HCN4: variants seen among roughly 807,000 people sequenced by gnomAD.
HCN4 encodes the protein hyperpolarization activated cyclic nucleotide gated potassium channel 4.
HCN4 carries 29 observed loss-of-function variants against 76.9 expected under a neutral mutation model. The ratio of observed to expected loss-of-function variants is 0.38; its 90% confidence interval spans 0.28 to 0.51. The LOEUF (loss-of-function observed/expected upper bound fraction) is 0.51. Among genes scored for constraint, HCN4 ranks in the 20% least tolerant of loss-of-function variants. The probability of loss-of-function intolerance (pLI) is 0.90; values close to 1 mark genes in which losing one functional copy is unlikely to be tolerated. For synonymous variants in HCN4, 772 were observed against 762.5 expected, an observed-to-expected ratio of 1.01 and a Z score of -0.21; for missense variants, 1,416 against 1,715.2, an observed-to-expected ratio of 0.83 and a Z score of 3.08.
In HCN4 at chr15:73,343,037, T is replaced by A. The variant is rs2043013778; in HGVS notation, c.1209+348A>T. 6.6e-6 allele frequency among the ~76,000 whole-genome samples: 1 copy of A among 152,242 alleles called. No individual in the cohort carries two copies. Among genetic ancestry groups the A allele is most frequent in the Non-Finnish European group, 1.5e-5 (1 of 68,050 alleles). Reference sequence around the variant, plus strand: ...TAACGCAGTGGTTAATAATGTGGGCTCTAGAGGTGATCGGCTTAAGTTCAC... The same window carrying A: ...TAACGCAGTGGTTAATAATGTGGGCACTAGAGGTGATCGGCTTAAGTTCAC... On this transcript the variant is annotated intron_variant, in intron 2 of 7. Transcript: ENST00000261917. The surrounding 1 kb of genome is among the most constrained non-coding windows in gnomAD (Gnocchi z 5.7).
At chr15:73,329,881 CCTAA>C in intron 3 of HCN4, 90 bp from the exon 4 acceptor site, 1 of 1,115,274 alleles carries the variant, frequency 9.0e-7, no homozygotes, top group Non-Finnish European at 1.3e-6. Flanking sequence ...CTCACCTCAA[CCTAA>C]CTTTCTCAGT....
chr15:73,335,031 G>A (rs1216508188), intron 2 of HCN4, among the ~76,000 whole-genome samples: 1 of 152,094 alleles, frequency 6.6e-6, no homozygotes, highest in Non-Finnish European at 1.5e-5. Flanking sequence ...ACAGGGAGAA[G>A]GCGGCCGTCT....
In HCN4 at chr15:73,324,104, G is replaced by A; in HGVS notation, c.2128C>T (p.Arg710Cys). The change falls in exon 7 of 8, where the codon CGC becomes TGC. Residue 710 changes from arginine (R) to cysteine (C), a missense_variant. By Grantham distance (180) the Arg-to-Cys change is radical. Around this residue, in one of 6 missense-constraint regions of HCN4, gnomAD observed 241 missense variants for 379.4 expected, o/e 0.64. Transcript: ENST00000261917. The stretch of plus-strand genomic sequence containing the variant: ...TCCCCCTCACCAATGCGGTCCAGGC[G>A]GTCCAGCGCCACGGTCTCGAAGGCC... ...RRAFETVALDRLDRIGKKNSI... is the reference protein window; with the variant it reads ...RRAFETVALDCLDRIGKKNSI... 5 of 1,613,134 alleles carry A rather than the reference G, an allele frequency of 3.1e-6. No individual in the cohort carries two copies. Among genetic ancestry groups the A allele is most frequent in the Non-Finnish European group, 2.5e-6 (3 of 1,179,926 alleles).
At position 73,368,150 on chromosome 15, in the gene HCN4, G is replaced by A; in HGVS notation, c.121C>T (p.Gln41Ter). The A allele has an allele frequency of 6.6e-7, 1 of 1,522,884 alleles. No individual in the cohort carries two copies. Among genetic ancestry groups the A allele is most frequent in the South Asian group, 1.2e-5 (1 of 81,944 alleles). 94.3% of individuals were successfully genotyped at this position (1,522,884 alleles called of 1,614,324 possible). Reference protein sequence around the residue: ...DAEEEGAGGRQDPSRRSIRLR... With the variant: ...DAEEEGAGGR ...CGGATGCTCCTGCGGCTGGGGTCTT[G>A]GCGGCCCCCGGCCCCCTCCTCCTCG... Residue 41 changes from glutamine to a stop codon, truncating the protein, a stop_gained, in exon 1 of 8, where the codon CAA becomes TAA. Coordinates refer to ENST00000261917, the MANE Select transcript of HCN4 (RefSeq NM_005477.3). LOFTEE classifies it high-confidence loss of function. This position sits in a 1 kb window ranked among gnomAD's most constrained non-coding sequence, Gnocchi z 6.9.
chr15:73,358,191 G>C (rs781541690), intron 1 of HCN4, among the ~76,000 whole-genome samples: 1 of 152,162 alleles, frequency 6.6e-6, no homozygotes, highest in Non-Finnish European at 1.5e-5. Flanking sequence ...TCTGGGGCGG[G>C]CCGGCCCCCA....
rs1249288695 is a variant in HCN4, at chr15:73,320,446, C to T, written c.*2035G>A. ...ATCTTGCCAACATTCTGGCTTGGAG[C>T]ATGGAAGGTTCTGGATGGATAATGT... is the stretch of plus-strand genomic sequence containing the variant. On this transcript the variant is annotated 3_prime_UTR_variant, in exon 8 of 8. Transcript: ENST00000261917. 2.6e-5 allele frequency: 4 copies of T among 152,252 alleles called. No individual in the cohort carries two copies. The highest frequency in any genetic ancestry group is 5.9e-5 in the Non-Finnish European group (4 of 68,094). The allele number at this position is 152,252 out of a possible 1,614,324, so 9.4% of individuals were successfully genotyped here.
Position 73,320,453 on chromosome 15 carries a change from G to T in HCN4, c.*2028C>A, listed in dbSNP as rs997162684. 1.3e-5 allele frequency: 2 copies of T among 152,208 alleles called. No individual in the cohort carries two copies. The highest frequency in any genetic ancestry group is 2.9e-5 in the Non-Finnish European group (2 of 68,066). The allele number at this position is 152,208 out of a possible 1,614,324, so 9.4% of individuals were successfully genotyped here. The stretch of plus-strand genomic sequence containing the variant: ...CAACATTCTGGCTTGGAGCATGGAA[G>T]GTTCTGGATGGATAATGTGGGACCA... On this transcript the variant is annotated 3_prime_UTR_variant, in exon 8 of 8. Coordinates refer to ENST00000261917, the MANE Select transcript of HCN4 (RefSeq NM_005477.3).
intron 4 of HCN4, among the ~76,000 whole-genome samples, chr15:73,326,456 G>T (rs1490096155): frequency 1.3e-5 from 2 of 152,218 alleles, no homozygotes; most frequent in Non-Finnish European, 2.9e-5. Context: ...GTGACTTCCT[G>T]GCTGGTTACA....
Position 73,325,960 on chromosome 15 carries a change from C to A in HCN4, c.1591-516G>T, listed in dbSNP as rs1346821030. On this transcript the variant is annotated intron_variant, in intron 4 of 7. Transcript: ENST00000261917. This position sits in a 1 kb window ranked among gnomAD's most constrained non-coding sequence, Gnocchi z 7.4. ...GCTATGAATCCAAACGTGGCCTCAG[C>A]TGAGACCCCGGGTCATTTCGTTGAG... Among the ~76,000 whole-genome samples the A allele has an allele frequency of 6.6e-6, 1 of 152,154 alleles. No homozygotes were observed. The highest frequency in any genetic ancestry group is 1.5e-5 in the Non-Finnish European group (1 of 68,006).
intron 1 of HCN4, among the ~76,000 whole-genome samples, chr15:73,344,965 A>G (rs1053113907): frequency 6.6e-6 from 1 of 152,222 alleles, no homozygotes; most frequent in Non-Finnish European, 1.5e-5. Flanking sequence ...CATTTACACA[A>G]TAACAGATAA....
intron 1 of HCN4, among the ~76,000 whole-genome samples, chr15:73,362,927 G>A (rs1254027225): frequency 1.3e-5 from 2 of 152,154 alleles, no homozygotes; most frequent in South Asian, 2.1e-4. Flanking sequence ...TGCCCCTATC[G>A]GGTTTTTGTG....
chr15:73,339,358 G>A (rs2042985144), intron 2 of HCN4, among the ~76,000 whole-genome samples: 1 of 152,182 alleles, frequency 6.6e-6, no homozygotes, highest in South Asian at 2.1e-4. Flanking sequence ...GAGATCTCCT[G>A]GGGGCCTGGT....
chr15:73,363,258 C>T (rs57084669), intron 1 of HCN4, among the ~76,000 whole-genome samples: 1,585 of 152,352 alleles, frequency 0.01, 24 homozygotes, highest in African/African-American at 0.036. Flanking sequence ...CTCCTTGCCA[C>T]CTCCTGCCAG....
At chr15:73,329,038 G>A (rs1242332251) in intron 4 of HCN4, among the ~76,000 whole-genome samples, 1 of 152,186 alleles carries the variant, frequency 6.6e-6, no homozygotes, top group African/African-American at 2.4e-5. Flanking sequence ...AGGCCCCACT[G>A]TGCAAAGATG....
chr15:73,350,670 C>T (rs2043051841), intron 1 of HCN4, among the ~76,000 whole-genome samples: 1 of 152,154 alleles, frequency 6.6e-6, no homozygotes, highest in African/African-American at 2.4e-5. Flanking sequence ...CTCCCCAATC[C>T]CATCTCCTCT....
rs1194558030 is a variant in HCN4 at position 73,328,333 on chromosome 15, G to A, written c.1590+1240C>T. Reference sequence around the variant, plus strand: ...GTCTGGCCAGGCTGAAATAAAGGGTGCAAGGCCCAGGGCAGGAGCTGAGCA... The same window carrying A: ...GTCTGGCCAGGCTGAAATAAAGGGTACAAGGCCCAGGGCAGGAGCTGAGCA... On this transcript the variant is annotated intron_variant, in intron 4 of 7. Coordinates refer to ENST00000261917, the MANE Select transcript of HCN4 (RefSeq NM_005477.3). The surrounding 1 kb of genome is among the most constrained non-coding windows in gnomAD (Gnocchi z 4.0). Among the ~76,000 whole-genome samples the A allele has an allele frequency of 6.6e-6, 1 of 152,068 alleles. No individual in the cohort carries two copies. The highest frequency in any genetic ancestry group is 1.5e-5 in the Non-Finnish European group (1 of 68,028).
chr15:73,354,627 C>CGG (rs2043069505), intron 1 of HCN4, among the ~76,000 whole-genome samples: 1 of 152,198 alleles, frequency 6.6e-6, no homozygotes, highest in Non-Finnish European at 1.5e-5. Flanking sequence ...AATCACTTAA[C>CGG]CTCTCTGAGC....
At chr15:73,344,831 C>T (rs557034907) in intron 1 of HCN4, among the ~76,000 whole-genome samples, 2 of 152,338 alleles carry the variant, frequency 1.3e-5, no homozygotes, top group Admixed American at 1.3e-4. Flanking sequence ...GTGGCCAAGA[C>T]CCCAATCCAG....
chr15:73,363,308 C>T (rs987726656), intron 1 of HCN4, among the ~76,000 whole-genome samples: 4 of 152,186 alleles, frequency 2.6e-5, no homozygotes, highest in Non-Finnish European at 5.9e-5. Flanking sequence ...AAGGTGGGAG[C>T]GGGTAGGACT....
Sources: allele counts gnomAD v4.1 joint callset (sites outside exome capture counted in the v4.1 genomes callset), GRCh38; gene constraint gnomAD v4.1.1; regional missense constraint gnomAD v4.1.1; non-coding constraint Gnocchi (gnomAD v3.1); transcripts MANE v1.5; gene names NCBI Gene and HGNC (gene_info 2026-07-23, HGNC 2026-07-21).